The following TTLL3 variants were observed in gnomAD, a reference collection of about 807,000 sequenced individuals.
TTLL3 encodes tubulin monoglycylase TTLL3.
TTLL3 carries 63 observed loss-of-function variants against 75.2 expected under a neutral mutation model. The ratio of observed to expected loss-of-function variants is 0.84; its 90% CI spans 0.68 to 1.03. The LOEUF (loss-of-function observed/expected upper bound fraction) is 1.03. Among genes scored for constraint, TTLL3 ranks in the 50% least tolerant of loss-of-function variants. TTLL3 has a pLI of 0.00. For missense variants in TTLL3, 997 were observed against 1,069.9 expected, an observed-to-expected ratio of 0.93 and a Z score of 0.95; for synonymous variants, 393 against 418.5, an observed-to-expected ratio of 0.94 and a Z score of 0.74.
intron 4 of TTLL3, among the ~76,000 whole-genome samples, chr3:9,815,122 C>T (rs959241693): frequency 7.2e-5 from 11 of 151,942 alleles, no homozygotes; most frequent in Non-Finnish European, 7.4e-5. Context: ...CACCTGTAAT[C>T]CCAGCTACTA....
rs769677057 is a variant in TTLL3, at chr3:9,829,361, G to A, written c.1649G>A (p.Cys550Tyr). Residue 550 changes from cysteine to tyrosine, a missense_variant, in exon 11 of 14, where the codon TGT becomes TAT. Physicochemically the swap from Cys to Tyr is radical, Grantham distance 194. Transcript: ENST00000685419. ...ATTGACCGGATGCTGGACCGCAACT[G>A]TGACACAGGAGCCTTTGAGCTCATC... ...VVIDRMLDRN[C>Y]DTGAFELIYK... is the part of the protein sequence containing the mutation. 1.2e-6 allele frequency: 2 copies of A among 1,607,638 alleles called. No individual in the cohort carries two copies. The highest frequency in any genetic ancestry group is 1.1e-5 in the South Asian group (1 of 90,572).
Position 9,825,886 on chromosome 3 carries a change from T to G in TTLL3, c.941T>G (p.Ile314Arg), listed in dbSNP as rs751691266. 2 of 1,613,930 alleles carry G rather than the reference T, an allele frequency of 1.2e-6. No homozygotes were observed. The highest frequency in any genetic ancestry group is 1.7e-6 in the Non-Finnish European group (2 of 1,180,000). The change falls in exon 9 of 14, where the codon ATA (isoleucine) becomes AGA (arginine). Residue 314 changes from isoleucine to arginine, a missense_variant. Transcript: ENST00000685419. ...CAGCTGCAGGCCGTGGTACCCCAGA[T>G]AGACATGGAAGGGGATCGCAACATC... ...LQQLQAVVPQIDMEGDRNIWI... is the reference protein window; with the variant it reads ...LQQLQAVVPQRDMEGDRNIWI...
intron 8 of TTLL3, 63 bp from the exon 9 acceptor site, chr3:9,825,737 C>G (rs2080975892): frequency 2.5e-6 from 4 of 1,613,574 alleles, no homozygotes; most frequent in Admixed American, 3.3e-5. Flanking sequence ...TATATCTCCC[C>G]CTGCCCTCTC....
intron 5 of TTLL3, chr3:9,817,277 A>G: frequency 5.3e-6 from 1 of 189,078 alleles, no homozygotes; most frequent in Non-Finnish European, 9.8e-6. Flanking sequence ...ACAACAAATT[A>G]GCTGGATGTG....
chr3:9,814,116 G>C (rs1245684811), intron 4 of TTLL3, among the ~76,000 whole-genome samples: 1 of 150,718 alleles, frequency 6.6e-6, no homozygotes, highest in Non-Finnish European at 1.5e-5. Context: ...CCTGGCCAAC[G>C]TGGTGAAAAC....
chr3:9,834,684 G>A lies in TTLL3; in HGVS notation c.1829G>A (p.Arg610His), dbSNP rs373790516. 61 of 1,613,844 alleles carry A rather than the reference G, an allele frequency of 3.8e-5. No homozygotes were observed. Among genetic ancestry groups the A allele is most frequent in the Non-Finnish European group, 4.5e-5 (53 of 1,180,016 alleles). ...ACAGCTTCTCTTGCTCCCACAGCCC[G>A]TCACCACTTCCCCAGCCTCCACACC... ...LLTQRGSGEA[R>H]HHFPSLHTKA... Residue 610 changes from arginine to histidine, a missense_variant, in exon 13 of 14, where the codon CGT becomes CAT. Physicochemically the swap from Arg to His is conservative, Grantham distance 29. Transcript: ENST00000685419.
chr3:9,813,435 T>G, intron 4 of TTLL3, 90 bp downstream of exon 4: 1 of 1,433,232 alleles, frequency 7.0e-7, no homozygotes, highest in South Asian at 1.2e-5. Flanking sequence ...GACAAGTCCT[T>G]TCTTTCTCTG....
chr3:9,818,766 C>G (rs1373714758), intron 6 of TTLL3, 56 bp from the exon 7 acceptor site: 1 of 1,612,554 alleles, frequency 6.2e-7, no homozygotes, highest in African/African-American at 1.3e-5. Flanking sequence ...GGTTCTGGAA[C>G]CAGAACAGGC....
chr3:9,835,003 G>T, intron 13 of TTLL3, 91 bp from the exon 14 acceptor site: 1 of 1,601,174 alleles, frequency 6.2e-7, no homozygotes, highest in Non-Finnish European at 8.5e-7. Flanking sequence ...AGGCTGGCTG[G>T]CACCCCAAGG....
chr3:9,817,820 G>A, intron 6 of TTLL3, 61 bp downstream of exon 6: 2 of 1,605,358 alleles, frequency 1.2e-6, no homozygotes, highest in Non-Finnish European at 1.7e-6. Context: ...CTGAAGCTCT[G>A]GCTCATATTG....
rs556100771 is a variant in TTLL3, at chr3:9,822,342, C to T, written c.854+1601C>T. Among the ~76,000 whole-genome samples the T allele has an allele frequency of 3.3e-3, 505 of 151,880 alleles. 4 individuals are homozygous for T. The highest frequency in any genetic ancestry group is 0.012 in the African/African-American group (482 of 41,426). On this transcript the variant is annotated intron_variant, in intron 8 of 13. Transcript: ENST00000685419. ...TCAGCCTCCCAAAGTGCTGGGATTA[C>T]AGGCATGAGCCACCGCGCCCGGCCA...
Position 9,836,003 on chromosome 3 carries a change from C to T in TTLL3, c.*514C>T, listed in dbSNP as rs1447737546. ...GTCTACTTGGACCCTGTGAATGTGA[C>T]CTTATGTGGGAAAAGAGTCTTTGTA... is the stretch of plus-strand genomic sequence containing the variant. On this transcript the variant is annotated 3_prime_UTR_variant, in exon 14 of 14. Coordinates refer to ENST00000685419, the MANE Select transcript of TTLL3 (RefSeq NM_001387446.1). The T allele has an allele frequency of 6.5e-6, 1 of 152,796 alleles. No individual in the cohort carries two copies. 9.5% of individuals were successfully genotyped at this position (152,796 alleles called of 1,614,324 possible).
rs2079254823 is a variant in TTLL3 at position 9,810,562 on chromosome 3, G to C, written c.-41-59G>C. The C allele has an allele frequency of 6.6e-7, 1 of 1,520,730 alleles. No individual in the cohort carries two copies. 94.2% of individuals were successfully genotyped at this position (1,520,730 alleles called of 1,614,324 possible). ...CTATGGGCGGCCAGAAAAGATCCTA[G>C]GCCGAGACCCTAGGCCCAGCCTCAG... is the stretch of plus-strand genomic sequence containing the variant. On this transcript the variant is annotated intron_variant, in intron 1 of 13. Transcript: ENST00000685419. This position sits in a 1 kb window ranked among gnomAD's most constrained non-coding sequence, Gnocchi z 4.4.
chr3:9,826,932 C>A, intron 9 of TTLL3, 65 bp from the exon 10 acceptor site: 2 of 1,602,816 alleles, frequency 1.2e-6, no homozygotes, highest in Non-Finnish European at 1.7e-6. Context: ...GAGCTCATGA[C>A]AAGCTGGCCC....
intron 6 of TTLL3, chr3:9,818,076 A>C (rs78069404): frequency 0.016 from 3,551 of 223,484 alleles, 38 homozygotes; most frequent in Non-Finnish European, 0.023. Flanking sequence ...CATTTGTTGA[A>C]TTGGGTTCCA....
At chr3:9,816,310 G>GGGA in intron 5 of TTLL3, 108 bp downstream of exon 5, 1 of 1,186,938 alleles carries the variant, frequency 8.4e-7, no homozygotes, top group East Asian at 5.8e-5. Flanking sequence ...TCAGGACAAG[G>GGGA]GGAAGTATAC....
In TTLL3 at chr3:9,827,207, C is replaced by A. The variant is rs1434270013; in HGVS notation, c.1214C>A (p.Ser405Tyr). ...WFYRDSYIRF[S>Y]TQPFSLKNLD... ...TACCGCGACAGCTATATCCGCTTTT[C>A]CACGCAGCCCTTCTCCCTGAAGAAC... is the stretch of plus-strand genomic sequence containing the variant. The change falls in exon 10 of 14, where the codon TCC becomes TAC. Residue 405 changes from serine (S) to tyrosine (Y), a missense_variant. Physicochemically the swap from Ser to Tyr is moderately radical, Grantham distance 144 (BLOSUM62 -2). Transcript: ENST00000685419. The A allele has an allele frequency of 1.2e-6, 2 of 1,614,120 alleles. No homozygotes were observed. The highest frequency in any genetic ancestry group is 1.7e-6 in the Non-Finnish European group (2 of 1,180,028).
Position 9,817,765 on chromosome 3 carries a change from G to A in TTLL3, c.559+6G>A, listed in dbSNP as rs996347300. The A allele has an allele frequency of 3.1e-6, 5 of 1,614,120 alleles. No homozygotes were observed. Among genetic ancestry groups the A allele is most frequent in the Non-Finnish European group, 4.2e-6 (5 of 1,180,010 alleles). Reference sequence around the variant, plus strand: ...TGACAAAAAAGCCTTCATAGGTAAGGAGACCCCCAGCCCTATGCCTGAACC... The same window carrying A: ...TGACAAAAAAGCCTTCATAGGTAAGAAGACCCCCAGCCCTATGCCTGAACC... On this transcript the variant is annotated splice_donor_region_variant and intron_variant, in intron 6 of 13. Coordinates refer to ENST00000685419, the MANE Select transcript of TTLL3 (RefSeq NM_001387446.1).
chr3:9,824,442 G>C (rs890340940), intron 8 of TTLL3, among the ~76,000 whole-genome samples: 1 of 152,164 alleles, frequency 6.6e-6, no homozygotes, highest in Non-Finnish European at 1.5e-5. Context: ...ATGGAGCCTC[G>C]CTCCGTTGCC....
Sources: gnomAD v4.1 joint callset for allele counts (sites outside exome capture counted in the v4.1 genomes callset) on GRCh38, gnomAD v4.1.1 for gene constraint, Gnocchi (gnomAD v3.1) non-coding constraint, MANE v1.5 for transcripts, NCBI Gene and HGNC (gene_info 2026-07-23, HGNC 2026-07-21) for gene names.